The following SH3PXD2A variants were observed in gnomAD, a reference collection of about 807,000 sequenced individuals.
SH3PXD2A encodes SH3 and PX domains 2A, also known as SH3 and PX domain-containing protein 2A.
SH3PXD2A carries 32 observed loss-of-function variants against 115.2 expected under a neutral mutation model. The ratio of observed to expected loss-of-function variants is 0.28; its 90% CI spans 0.21 to 0.37. The LOEUF (loss-of-function observed/expected upper bound fraction) is 0.37. Ranked by LOEUF, SH3PXD2A falls within the 10% of genes least tolerant of loss-of-function variation. The pLI is 1.00. For synonymous variants in SH3PXD2A, 610 were observed against 629.1 expected (o/e 0.97, Z 0.45); for missense variants, 1,328 against 1,498.7 (o/e 0.89, Z 1.88).
chr10:103,695,214 C>T (rs768469090), intron 5 of SH3PXD2A, among the ~76,000 whole-genome samples: 1 of 152,124 alleles, frequency 6.6e-6, no homozygotes, highest in Admixed American at 6.5e-5. Flanking sequence ...TGCCAGTAGC[C>T]CAGGCAGGGG....
intron 2 of SH3PXD2A, among the ~76,000 whole-genome samples, chr10:103,775,468 T>A (rs534055866): frequency 6.6e-6 from 1 of 151,774 alleles, no homozygotes; most frequent in African/African-American, 2.4e-5. Context: ...GTGGCTGGAG[T>A]GAGCAAAAGG....
chr10:103,798,132 G>A (rs557724018), intron 2 of SH3PXD2A, among the ~76,000 whole-genome samples: 31 of 152,260 alleles, frequency 2.0e-4, no homozygotes, highest in Non-Finnish European at 4.3e-4. Context: ...GGGGAAGTAC[G>A]GGGAGACCCA....
chr10:103,767,592 C>A (rs138103228), intron 2 of SH3PXD2A, among the ~76,000 whole-genome samples: 121 of 152,180 alleles, frequency 8.0e-4, no homozygotes, highest in African/African-American at 2.8e-3. Flanking sequence ...GGGGGAAGGC[C>A]CCACCTGATA....
chr10:103,796,078 G>C (rs1181450942), intron 2 of SH3PXD2A, among the ~76,000 whole-genome samples: 1 of 151,984 alleles, frequency 6.6e-6, no homozygotes, highest in Non-Finnish European at 1.5e-5. Context: ...ACCATATGGG[G>C]GCCGGGTGTG....
At chr10:103,610,024 A>G (rs925828991) in intron 13 of SH3PXD2A, 2 of 152,296 alleles carry the variant, frequency 1.3e-5, no homozygotes, top group Non-Finnish European at 2.9e-5. Flanking sequence ...GCATAGGGAG[A>G]GCTCAATAAA....
intron 1 of SH3PXD2A, among the ~76,000 whole-genome samples, chr10:103,818,138 G>A (rs2039343044): frequency 6.6e-6 from 1 of 152,104 alleles, no homozygotes; most frequent in East Asian, 1.9e-4. Context: ...CTTGGTTAAG[G>A]GGTTCTTGTC....
intron 1 of SH3PXD2A, among the ~76,000 whole-genome samples, chr10:103,848,225 TCCTC>T: frequency 8.0e-6 from 1 of 124,350 alleles, no homozygotes; most frequent in Non-Finnish European, 1.8e-5. Context: ...CTCCTCCTCC[TCCTC>T]AACCCTTCCT....
At chr10:103,683,555 G>A (rs1192503238) in intron 6 of SH3PXD2A, among the ~76,000 whole-genome samples, 1 of 152,128 alleles carries the variant, frequency 6.6e-6, no homozygotes, top group Non-Finnish European at 1.5e-5. Context: ...CCACCTACTT[G>A]GGAGGATGAG....
intron 4 of SH3PXD2A, among the ~76,000 whole-genome samples, chr10:103,727,814 G>A (rs771002617): frequency 3.3e-5 from 5 of 152,224 alleles, no homozygotes; most frequent in South Asian, 2.1e-4. Context: ...TGGAGGGCTC[G>A]TCCTGATTTC....
chr10:103,668,586 A>G, intron 7 of SH3PXD2A, 22 bp downstream of exon 7: 1 of 1,547,306 alleles, frequency 6.5e-7, no homozygotes, highest in Non-Finnish European at 8.7e-7. Flanking sequence ...GCTCACACAC[A>G]TGCATGCACG....
At position 103,603,382 on chromosome 10, in the gene SH3PXD2A, C is replaced by T. The variant is rs1404225741; in HGVS notation, c.1836G>A (p.Val612=). 2.0e-5 allele frequency: 32 copies of T among 1,614,060 alleles called. No individual in the cohort carries two copies. The highest frequency in any genetic ancestry group is 2.5e-5 in the Non-Finnish European group (30 of 1,180,032). The change falls in exon 15 of 15, where the codon GTG becomes GTA. Residue 612 remains valine (V), a synonymous_variant. Coordinates refer to ENST00000369774, the MANE Select transcript of SH3PXD2A (RefSeq NM_001394015.1). The part of the protein sequence containing the change: ...RFKVGESSED[V]ALEEETIYEN... ...CATAGATGGTCTCCTCTTCCAGGGCCACATCCTCTGAAGACTCACCCACCT... is the reference window on the plus strand; with the variant it reads ...CATAGATGGTCTCCTCTTCCAGGGCTACATCCTCTGAAGACTCACCCACCT...
chr10:103,781,799 T>C lies in SH3PXD2A; in HGVS notation c.154-14630A>G, dbSNP rs529691002. 2.6e-5 allele frequency among the ~76,000 whole-genome samples: 4 copies of C among 152,354 alleles called. No homozygotes were observed. In the East Asian group the frequency reaches 7.7e-4, roughly 29 times the overall value. ...TGAGAAGGGTGGAGGACTTGCCAGA[T>C]GGCCTCTGAAAGTCACTCTAGGTGA... is the stretch of plus-strand genomic sequence containing the variant. On this transcript the variant is annotated intron_variant, in intron 2 of 14. Coordinates refer to ENST00000369774, the MANE Select transcript of SH3PXD2A (RefSeq NM_001394015.1).
chr10:103,649,537 C>A lies in SH3PXD2A; in HGVS notation c.604+11446G>T, dbSNP rs192407668. ...TGTCTAGAACTGGCAGAAAGCCCCACCAGTGCACAGAAAGGTCATTTGGCC... is the reference window on the plus strand; with the variant it reads ...TGTCTAGAACTGGCAGAAAGCCCCAACAGTGCACAGAAAGGTCATTTGGCC... On this transcript the variant is annotated intron_variant, in intron 8 of 14. Transcript: ENST00000369774. 2.4e-3 allele frequency among the ~76,000 whole-genome samples: 367 copies of A among 152,332 alleles called. 5 individuals are homozygous for A. Among genetic ancestry groups the A allele is most frequent in the African/African-American group, 8.5e-3 (352 of 41,582 alleles).
intron 1 of SH3PXD2A, among the ~76,000 whole-genome samples, chr10:103,817,154 T>A (rs942504154): frequency 6.6e-6 from 1 of 151,466 alleles, no homozygotes; most frequent in African/African-American, 2.4e-5. Context: ...TATTCTTTTT[T>A]TTTTTTAACT....
chr10:103,628,054 T>C (rs1001315526), intron 8 of SH3PXD2A, among the ~76,000 whole-genome samples: 3 of 152,164 alleles, frequency 2.0e-5, no homozygotes, highest in African/African-American at 7.2e-5. Flanking sequence ...CCCGTCACCA[T>C]CCACCGCGGC....
chr10:103,671,575 C>A (rs767051513), intron 6 of SH3PXD2A, among the ~76,000 whole-genome samples: 1 of 152,242 alleles, frequency 6.6e-6, no homozygotes, highest in Non-Finnish European at 1.5e-5. Context: ...AAAGTCCCTC[C>A]CCCTTCTCTC....
chr10:103,654,516 C>T (rs993085293), intron 8 of SH3PXD2A, among the ~76,000 whole-genome samples: 3 of 152,180 alleles, frequency 2.0e-5, no homozygotes, highest in Admixed American at 6.5e-5. Context: ...GTGGCTGTCA[C>T]TTATTGAGCA....
rs991409094 is a variant in SH3PXD2A, at chr10:103,746,321, T to TTATC, written c.230-10514_230-10513insGATA. Among the ~76,000 whole-genome samples the TTATC allele has an allele frequency of 1.3e-5, 2 of 149,466 alleles. No individual in the cohort carries two copies. The highest frequency in any genetic ancestry group is 3.0e-5 in the Non-Finnish European group (2 of 66,682). On this transcript the variant is annotated intron_variant, in intron 3 of 14. Transcript: ENST00000369774. The surrounding 1 kb of genome is among the most constrained non-coding windows in gnomAD (Gnocchi z 4.4). Reference sequence around the variant, plus strand: ...AGAACCATTTCTTTCTTTTTTATTTTTATTTATTTATTTATTGAGACAGGG... The same window carrying TTATC: ...AGAACCATTTCTTTCTTTTTTATTTTTATCTATTTATTTATTTATTGAGACAGGG...
intron 3 of SH3PXD2A, among the ~76,000 whole-genome samples, chr10:103,737,655 CCT>C (rs1421423923): frequency 6.6e-6 from 1 of 152,206 alleles, no homozygotes; most frequent in Admixed American, 6.5e-5. Context: ...CCACCAACTC[CCT>C]GTTTGTCACT....
Sources: gnomAD v4.1 joint callset for allele counts (sites outside exome capture counted in the v4.1 genomes callset) on GRCh38, gnomAD v4.1.1 for gene constraint, Gnocchi (gnomAD v3.1) non-coding constraint, MANE v1.5 for transcripts, NCBI Gene and HGNC (gene_info 2026-07-23, HGNC 2026-07-21) for gene names.